TIMELESS: variants seen among roughly 807,000 people sequenced by gnomAD.
TIMELESS encodes protein timeless homolog.
Under a neutral mutation model 164.3 loss-of-function variants are expected in TIMELESS, and 124 were observed. That is an observed-to-expected ratio of 0.75 (90% CI 0.65 to 0.88). TIMELESS has a LOEUF of 0.88. Ranked by LOEUF, TIMELESS falls within the 40% of genes least tolerant of loss-of-function variation. The pLI, the probability that TIMELESS is intolerant of heterozygous loss-of-function variation, is 0.00. For missense variants in TIMELESS, 1,422 were observed against 1,491.4 expected, an observed-to-expected ratio of 0.95 and a Z score of 0.77; for synonymous variants, 564 against 563.4, an observed-to-expected ratio of 1.00 and a Z score of -0.02.
rs1393818351 is a variant in TIMELESS at position 56,420,758 on chromosome 12, A to G, written c.3109+55T>C. On this transcript the variant is annotated intron_variant, in intron 25 of 28. Transcript: ENST00000553532. ...CTGGTTCTCCATCCCATGACCAGGTAGGTCTCCAATAGCCTCCAGGGCTCT... is the reference window on the plus strand; with the variant it reads ...CTGGTTCTCCATCCCATGACCAGGTGGGTCTCCAATAGCCTCCAGGGCTCT... 6 of 1,613,094 alleles carry G rather than the reference A, an allele frequency of 3.7e-6. No individual in the cohort carries two copies. In the East Asian group the frequency reaches 6.7e-5, roughly 18 times the overall value.
intron 10 of TIMELESS, 54 bp downstream of exon 10, chr12:56,430,051 C>A: frequency 6.6e-7 from 1 of 1,525,026 alleles, no homozygotes; most frequent in Middle Eastern, 1.8e-4. Flanking sequence ...ACAGCTGCAT[C>A]ATCACCTGTC....
rs769798017 is a variant in TIMELESS at position 56,428,378 on chromosome 12, C to T, written c.1436G>A (p.Arg479Gln). Residue 479 changes from arginine (R) to glutamine (Q), a missense_variant, in exon 13 of 29, where the codon CGA (arginine) becomes CAA (glutamine). Physicochemically the swap from Arg to Gln is conservative, Grantham distance 43. Transcript: ENST00000553532. ...TCGAAAAAGTGCCAGGAATAGTTCT[C>T]GGTACTCCATCACATAGAAAATATT... is the stretch of plus-strand genomic sequence containing the variant. ...KNNIFYVMEY[R>Q]ELFLALFRKF... 4.0e-5 allele frequency: 65 copies of T among 1,611,968 alleles called. No homozygotes were observed. Among genetic ancestry groups the T allele is most frequent in the East Asian group, 8.9e-5 (4 of 44,824 alleles).
At position 56,417,312 on chromosome 12, in the gene TIMELESS, C is replaced by G; in HGVS notation, c.*404G>C. Reference sequence around the variant, plus strand: ...TCTAAAAGTGGTACAAAACTCCCGCCTGTCATGTCATAAAGCTCCCCATCT... The same window carrying G: ...TCTAAAAGTGGTACAAAACTCCCGCGTGTCATGTCATAAAGCTCCCCATCT... On this transcript the variant is annotated 3_prime_UTR_variant, in exon 29 of 29. Transcript: ENST00000553532. 5.2e-6 allele frequency: 1 copy of G among 190,756 alleles called. No homozygotes were observed. Among genetic ancestry groups the G allele is most frequent in the Non-Finnish European group, 1.1e-5 (1 of 91,018 alleles). The allele number at this position is 190,756 out of a possible 1,614,324, so 11.8% of individuals were successfully genotyped here.
chr12:56,447,182 GTTTTTTTTTTTTT>G (rs144004569), intron 1 of TIMELESS, among the ~76,000 whole-genome samples: 18 of 89,246 alleles, frequency 2.0e-4, no homozygotes, highest in Non-Finnish European at 2.9e-4. Flanking sequence ...GCTAATTTTT[GTTTTTTTTTTTTT>G]TTTTTTTTTT....
At position 56,428,960 on chromosome 12, in the gene TIMELESS, G is replaced by A. The variant is rs772636634; in HGVS notation, c.1227C>T (p.His409=). The A allele has an allele frequency of 3.5e-5, 57 of 1,614,186 alleles. No individual in the cohort carries two copies. The highest frequency in any genetic ancestry group is 4.8e-5 in the Non-Finnish European group (57 of 1,180,038). The change falls in exon 11 of 29, where the codon CAC becomes CAT. Residue 409 remains histidine (H), a synonymous_variant. Coordinates refer to ENST00000553532, the MANE Select transcript of TIMELESS (RefSeq NM_003920.5). ...VSETLSVRTF[H]FIEQNLTNYY... ...AGTTGGTGAGGTTCTGCTCAATGAA[G>A]TGGAAGGTACGGACACTGAGGGTCT...
chr12:56,435,145 G>A (rs1882029319), intron 1 of TIMELESS, among the ~76,000 whole-genome samples: 1 of 152,102 alleles, frequency 6.6e-6, no homozygotes, highest in Admixed American at 6.6e-5. Context: ...GCCATACAGT[G>A]ATTCCACCAA....
Position 56,418,007 on chromosome 12 carries a change from C to T in TIMELESS, c.3456G>A (p.Glu1152=). The T allele has an allele frequency of 6.2e-7, 1 of 1,614,200 alleles. No individual in the cohort carries two copies. The highest frequency in any genetic ancestry group is 8.5e-7 in the Non-Finnish European group (1 of 1,180,040). ...GCGGCTCTTTACCAACAGCGTCTTC[C>T]TCTGCAATGACCATAAATGACACAA... is the stretch of plus-strand genomic sequence containing the variant. The part of the protein sequence containing the change: ...KKKAGLASPE[E]EDAVGKEPLK... Residue 1152 remains glutamate (E), a splice_region_variant and synonymous_variant, in exon 28 of 29, where the codon GAG becomes GAA. Transcript: ENST00000553532.
Position 56,428,255 on chromosome 12 carries a change from C to A in TIMELESS, c.1559G>T (p.Arg520Leu), listed in dbSNP as rs751058150. Residue 520 changes from arginine to leucine, a missense_variant, in exon 13 of 29, where the codon CGT becomes CTT. Coordinates refer to ENST00000553532, the MANE Select transcript of TIMELESS (RefSeq NM_003920.5). ...LKMLERFCRS[R>L]GNLVVQNKQK... ...CAGTACCTGCACCACCAGGTTCCCA[C>A]GGCTCCGACAGAATCGCTCCAACAT... The A allele has an allele frequency of 6.2e-7, 1 of 1,604,450 alleles. No homozygotes were observed. Among genetic ancestry groups the A allele is most frequent in the Non-Finnish European group, 8.5e-7 (1 of 1,173,508 alleles).
intron 26 of TIMELESS, 42 bp from the exon 27 acceptor site, chr12:56,418,401 T>A (rs1358431423): frequency 1.4e-6 from 2 of 1,449,386 alleles, no homozygotes; most frequent in East Asian, 4.6e-5. Flanking sequence ...GACCAGCTTT[T>A]TGTTTCCCAG....
At position 56,431,493 on chromosome 12, in the gene TIMELESS, G is replaced by A. The variant is rs377122171; in HGVS notation, c.799C>T (p.Arg267Ter). The change falls in exon 8 of 29, where the codon CGA becomes TGA. Residue 267 changes from arginine (R) to a stop codon, truncating the protein, a stop_gained. Transcript: ENST00000553532. LOFTEE classifies it high-confidence loss of function. ...RQREMAEKKT[R>*]ALQRGNRHSR... is the part of the protein sequence containing the mutation. ...CACCTGTTGCCTCGCTGGAGGGCTC[G>A]AGTCTTCTTTTCTGCCATCTCTCGC... The A allele has an allele frequency of 3.7e-6, 6 of 1,612,360 alleles. No homozygotes were observed. The highest frequency in any genetic ancestry group is 5.1e-6 in the Non-Finnish European group (6 of 1,179,670).
chr12:56,422,645 A>T (rs1279745274), intron 19 of TIMELESS, among the ~76,000 whole-genome samples: 1 of 152,132 alleles, frequency 6.6e-6, no homozygotes, highest in South Asian at 2.1e-4. Context: ...CTAGATACAC[A>T]CTAGACTTAG....
chr12:56,429,233 C>G, intron 10 of TIMELESS, 133 bp from the exon 11 acceptor site: 1 of 752,746 alleles, frequency 1.3e-6, no homozygotes, highest in Non-Finnish European at 2.1e-6. Flanking sequence ...GAGTCTCACT[C>G]TATTGCCCAG....
chr12:56,422,314 G>A (rs1881525085), intron 19 of TIMELESS, 123 bp from the exon 20 acceptor site: 5 of 762,186 alleles, frequency 6.6e-6, no homozygotes, highest in Non-Finnish European at 1.1e-5. Context: ...AAAGAGGCCA[G>A]CCAGCAGAGG....
chr12:56,422,234 C>G, intron 19 of TIMELESS, 43 bp from the exon 20 acceptor site: 1 of 1,579,818 alleles, frequency 6.3e-7, no homozygotes, highest in Non-Finnish European at 8.7e-7. Context: ...GTTCTTGGCC[C>G]AAAAAGAGGA....
rs1555177637 is a variant in TIMELESS, at chr12:56,431,370, A to AAAAAC, written c.821+100_821+101insGTTTT. Reference sequence around the variant, plus strand: ...ATTCTGTCTCAAAAAAAAAAAAAAAAAACACTAAAATGTTGTTCAATCACC... The same window carrying AAAAAC: ...ATTCTGTCTCAAAAAAAAAAAAAAAAAAAACAACACTAAAATGTTGTTCAATCACC... On this transcript the variant is annotated intron_variant, in intron 8 of 28. Coordinates refer to ENST00000553532, the MANE Select transcript of TIMELESS (RefSeq NM_003920.5). The AAAAAC allele has an allele frequency of 1.2e-3, 1,566 of 1,326,276 alleles. 3 individuals are homozygous for AAAAAC. Among genetic ancestry groups the AAAAAC allele is most frequent in the East Asian group, 1.6e-3 (63 of 40,036 alleles). The allele number at this position is 1,326,276 out of a possible 1,614,324, so 82.2% of individuals were successfully genotyped here. A position where few individuals can be genotyped will look rare whatever the true frequency, so the allele number is the denominator to read the frequency against.
At chr12:56,428,496 T>G in intron 12 of TIMELESS, 53 bp downstream of exon 12, 1 of 1,606,766 alleles carries the variant, frequency 6.2e-7, no homozygotes, top group Non-Finnish European at 8.5e-7. Context: ...AAGAATGAGA[T>G]TCTCATCACG....
intron 26 of TIMELESS, among the ~76,000 whole-genome samples, chr12:56,420,029 A>AAAAAATATAT (rs1555176447): frequency 8.0e-5 from 6 of 75,182 alleles, no homozygotes; most frequent in East Asian, 1.0e-3. Context: ...AAAAAAAAAA[A>AAAAAATATAT]ATATATATAT....
At chr12:56,435,117 T>TA (rs1368637972) in intron 1 of TIMELESS, among the ~76,000 whole-genome samples, 3 of 152,018 alleles carry the variant, frequency 2.0e-5, no homozygotes, top group Non-Finnish European at 4.4e-5. Context: ...CCACAGGAAT[T>TA]AAAAAAACCG....
At chr12:56,435,125 C>A (rs1301788628) in intron 1 of TIMELESS, among the ~76,000 whole-genome samples, 1 of 152,118 alleles carries the variant, frequency 6.6e-6, no homozygotes, top group African/African-American at 2.4e-5. Context: ...ATTAAAAAAA[C>A]CGAGCTCTGG....
Sources: allele counts gnomAD v4.1 joint callset (sites outside exome capture counted in the v4.1 genomes callset), GRCh38; gene constraint gnomAD v4.1.1; transcripts MANE v1.5; gene names NCBI Gene and HGNC (gene_info 2026-07-23, HGNC 2026-07-21).